FAF1: variants seen among roughly 807,000 people sequenced by gnomAD.
FAF1 encodes the protein FAS-associated factor 1.
In FAF1, 25 loss-of-function variants were observed where a neutral mutation model predicts 92.5. The ratio of observed to expected loss-of-function variants is 0.27; its 90% CI spans 0.20 to 0.38. FAF1 has a LOEUF of 0.38. Ranked by LOEUF, FAF1 falls within the 10% of genes least tolerant of loss-of-function variation. The probability of loss-of-function intolerance (pLI) is 1.00; values close to 1 mark genes in which losing one functional copy is unlikely to be tolerated. For missense variants in FAF1, 636 were observed against 793.3 expected, an observed-to-expected ratio of 0.80 and a Z score of 2.38; for synonymous variants, 234 against 273.2, an observed-to-expected ratio of 0.86 and a Z score of 1.42.
At chr1:50,752,593 C>T (rs1023720360) in intron 4 of FAF1, among the ~76,000 whole-genome samples, 1 of 152,128 alleles carries the variant, frequency 6.6e-6, no homozygotes, top group African/African-American at 2.4e-5. Flanking sequence ...ATTTTCTCTA[C>T]TACTTATCCA....
intron 1 of FAF1, among the ~76,000 whole-genome samples, chr1:50,956,576 A>T (rs1228911426): frequency 6.6e-6 from 1 of 152,240 alleles, no homozygotes; most frequent in Non-Finnish European, 1.5e-5. Flanking sequence ...TTTGGTGAGG[A>T]AACTGATTTG....
chr1:50,545,058 A>T (rs952083714), intron 13 of FAF1, among the ~76,000 whole-genome samples: 1 of 152,114 alleles, frequency 6.6e-6, no homozygotes, highest in African/African-American at 2.4e-5. Context: ...AAAACACCAT[A>T]ACTAGGCCAA....
chr1:50,448,588 A>G (rs1186975975), intron 18 of FAF1, among the ~76,000 whole-genome samples: 4 of 152,228 alleles, frequency 2.6e-5, no homozygotes, highest in Non-Finnish European at 5.9e-5. Context: ...TCTGGAACCA[A>G]CCTGCTCTCA....
At chr1:50,699,705 C>T (rs188494983) in intron 7 of FAF1, among the ~76,000 whole-genome samples, 8 of 152,114 alleles carry the variant, frequency 5.3e-5, no homozygotes, top group Admixed American at 5.2e-4. Context: ...GCTTCAATGC[C>T]ATTAGAATGA....
intron 18 of FAF1, among the ~76,000 whole-genome samples, chr1:50,442,160 C>T (rs926098807): frequency 7.2e-5 from 11 of 152,088 alleles, no homozygotes; most frequent in East Asian, 1.9e-4. Flanking sequence ...GAGTGGGATA[C>T]GTTAATCATA....
chr1:50,705,900 GT>G lies in FAF1; in HGVS notation c.552-10del. 1 of 1,566,534 alleles carries G rather than the reference GT, an allele frequency of 6.4e-7. No homozygotes were observed. Among genetic ancestry groups the G allele is most frequent in the Non-Finnish European group, 8.8e-7 (1 of 1,140,546 alleles). ...ATGACTCCTGCAGGGCACTGAAAGGGTTGAAAGAAAAACAAGGAACTCAGAG... is the reference window on the plus strand; with the variant it reads ...ATGACTCCTGCAGGGCACTGAAAGGGTGAAAGAAAAACAAGGAACTCAGAG... On this transcript the variant is annotated splice_polypyrimidine_tract_variant and intron_variant, in intron 6 of 18. Transcript: ENST00000396153.
intron 14 of FAF1, among the ~76,000 whole-genome samples, chr1:50,536,884 G>A (rs1165232986): frequency 6.6e-6 from 1 of 152,138 alleles, no homozygotes; most frequent in Non-Finnish European, 1.5e-5. Context: ...TTCTTAGAAG[G>A]AGTGGAGATA....
At chr1:50,814,815 T>A (rs990321372) in intron 2 of FAF1, among the ~76,000 whole-genome samples, 1 of 152,194 alleles carries the variant, frequency 6.6e-6, no homozygotes, top group African/African-American at 2.4e-5. Context: ...TACAATGAGA[T>A]ACCACCTCAC....
chr1:50,942,676 C>T (rs938859221), intron 1 of FAF1, among the ~76,000 whole-genome samples: 20 of 151,934 alleles, frequency 1.3e-4, no homozygotes, highest in African/African-American at 4.4e-4. Context: ...GAGGAAGATA[C>T]AGGACTCCTA....
chr1:50,706,718 C>T (rs1569805653), intron 6 of FAF1, among the ~76,000 whole-genome samples: 1 of 152,082 alleles, frequency 6.6e-6, no homozygotes, highest in East Asian at 1.9e-4. Flanking sequence ...ATATTATTTT[C>T]ATCAGTATTG....
chr1:50,706,870 G>C (rs1320816418), intron 6 of FAF1, among the ~76,000 whole-genome samples: 1 of 152,106 alleles, frequency 6.6e-6, no homozygotes, highest in Admixed American at 6.5e-5. Flanking sequence ...TTGCCCATCT[G>C]TAACTATGTG....
chr1:50,558,240 A>G (rs6670901), intron 13 of FAF1, among the ~76,000 whole-genome samples: 2 of 126,610 alleles, frequency 1.6e-5, no homozygotes, highest in East Asian at 4.3e-4. Context: ...TCTTATTTTT[A>G]GAATAAGATA....
intron 7 of FAF1, among the ~76,000 whole-genome samples, chr1:50,692,263 G>C (rs1221637811): frequency 1.3e-5 from 2 of 151,178 alleles, no homozygotes; most frequent in African/African-American, 4.9e-5. Flanking sequence ...GTGTGTGTGT[G>C]TGTGTGTGTG....
intron 1 of FAF1, among the ~76,000 whole-genome samples, chr1:50,938,531 G>T (rs1173072234): frequency 6.6e-6 from 1 of 152,166 alleles, no homozygotes; most frequent in Non-Finnish European, 1.5e-5. Context: ...TAGGTTGTCT[G>T]TTTACACTGT....
At chr1:50,515,351 T>C (rs1647203792) in intron 15 of FAF1, among the ~76,000 whole-genome samples, 1 of 152,158 alleles carries the variant, frequency 6.6e-6, no homozygotes, top group African/African-American at 2.4e-5. Flanking sequence ...TTGTATGTAT[T>C]CTAAAGCCTA....
intron 15 of FAF1, among the ~76,000 whole-genome samples, chr1:50,517,852 T>A (rs890577495): frequency 6.6e-6 from 1 of 152,178 alleles, no homozygotes; most frequent in Non-Finnish European, 1.5e-5. Context: ...CCTATAATGG[T>A]CACCATTATC....
At chr1:50,490,307 C>A (rs947808654) in intron 17 of FAF1, among the ~76,000 whole-genome samples, 4 of 151,594 alleles carry the variant, frequency 2.6e-5, no homozygotes, top group African/African-American at 9.7e-5. Flanking sequence ...CTACAACGAG[C>A]CGAGATGGTG....
intron 18 of FAF1, 88 bp from the exon 19 acceptor site, chr1:50,441,611 C>G: frequency 1.6e-6 from 1 of 631,642 alleles, no homozygotes; most frequent in Non-Finnish European, 2.6e-6. Context: ...CACACTGATT[C>G]TGAAACTATG....
chr1:50,590,017 A>C (rs1651428297), intron 9 of FAF1, among the ~76,000 whole-genome samples: 1 of 152,152 alleles, frequency 6.6e-6, no homozygotes, highest in Non-Finnish European at 1.5e-5. Flanking sequence ...GCTCTCTATT[A>C]TATTCCATTG....
Sources: allele counts gnomAD v4.1 joint callset (sites outside exome capture counted in the v4.1 genomes callset), GRCh38; gene constraint gnomAD v4.1.1; transcripts MANE v1.5; gene names NCBI Gene and HGNC (gene_info 2026-07-23, HGNC 2026-07-21).